Variants in TESK2 observed in about 807,000 individuals in gnomAD.
The protein encoded by TESK2 is testis associated actin remodelling kinase 2.
In TESK2, 39 loss-of-function variants were observed where a neutral mutation model predicts 57.1. The ratio of observed to expected loss-of-function variants is 0.68; its 90% CI spans 0.53 to 0.89. The LOEUF is 0.89. TESK2 is among the 40% of genes least tolerant of loss of function. The probability of loss-of-function intolerance (pLI) is 0.00; values close to 1 mark genes in which losing one functional copy is unlikely to be tolerated. For synonymous variants in TESK2, 249 were observed against 267.9 expected (o/e 0.93, Z 0.69); for missense variants, 646 against 732.1 (o/e 0.88, Z 1.36).
intron 3 of TESK2, among the ~76,000 whole-genome samples, chr1:45,397,491 A>G (rs910069442): frequency 5.3e-5 from 8 of 152,204 alleles, no homozygotes; most frequent in Non-Finnish European, 1.5e-5. Flanking sequence ...TAAAGTCCAA[A>G]TTCCTTACCA....
At chr1:45,384,593 ATTTTT>A (rs59988269) in intron 4 of TESK2, among the ~76,000 whole-genome samples, 11 of 70,884 alleles carry the variant, frequency 1.6e-4, no homozygotes, top group South Asian at 1.1e-3. Context: ...CTAATTATTA[ATTTTT>A]TTTTTTTTTT....
Position 45,355,437 on chromosome 1 carries a change from C to T in TESK2, c.406G>A (p.Gly136Arg), listed in dbSNP as rs747601244. The T allele has an allele frequency of 9.3e-6, 15 of 1,608,528 alleles. No individual in the cohort carries two copies. Among genetic ancestry groups the T allele is most frequent in the African/African-American group, 4.0e-5 (3 of 74,538 alleles). The change falls in exon 5 of 11, where the codon GGG (glycine) becomes AGG (arginine). Residue 136 changes from glycine (G) to arginine (R), a missense_variant. Coordinates refer to ENST00000372086, the MANE Select transcript of TESK2 (RefSeq NM_007170.3). Reference sequence around the variant, plus strand: ...CTGTCTAGCAACTGTTCCAGGTTCCCGGAGTTGATATACTGCAAAACAGAA... The same window carrying T: ...CTGTCTAGCAACTGTTCCAGGTTCCTGGAGTTGATATACTGCAAAACAGAA... ...LHALTEYINSGNLEQLLDSNL... is the reference protein window; with the variant it reads ...LHALTEYINSRNLEQLLDSNL...
At position 45,347,999 on chromosome 1, in the gene TESK2, T is replaced by C; in HGVS notation, c.542A>G (p.Asn181Ser). 3 of 1,608,170 alleles carry C rather than the reference T, an allele frequency of 1.9e-6. No individual in the cohort carries two copies. Among genetic ancestry groups the C allele is most frequent in the Non-Finnish European group, 1.7e-6 (2 of 1,174,582 alleles). Residue 181 changes from asparagine (N) to serine (S), a missense_variant and splice_region_variant, in exon 6 of 11, where the codon AAC becomes AGC. Transcript: ENST00000372086. The part of the protein sequence containing the change: ...GIFHRDLTSK[N>S]CLIKRDENGY... Reference sequence around the variant, plus strand: ...ATTCTCATCCCTCTTTATCAGGCAGTTCTAGGGTTCCCAGGAAGGAAGAGA... The same window carrying C: ...ATTCTCATCCCTCTTTATCAGGCAGCTCTAGGGTTCCCAGGAAGGAAGAGA...
intron 2 of TESK2, among the ~76,000 whole-genome samples, chr1:45,451,440 G>A (rs538572785): frequency 6.6e-6 from 1 of 152,166 alleles, no homozygotes; most frequent in Non-Finnish European, 1.5e-5. Context: ...GCAAAAGTGT[G>A]GCTGAGCCAT....
intron 4 of TESK2, among the ~76,000 whole-genome samples, chr1:45,381,951 C>A (rs2149273291): frequency 6.7e-6 from 1 of 149,696 alleles, no homozygotes; most frequent in East Asian, 2.0e-4. Context: ...GCATTCTCAA[C>A]CTTCAACCTC....
At chr1:45,386,647 A>C (rs1433981869) in intron 3 of TESK2, among the ~76,000 whole-genome samples, 1 of 151,714 alleles carries the variant, frequency 6.6e-6, no homozygotes, top group East Asian at 1.9e-4. Flanking sequence ...ACTGTACCCC[A>C]TATGTGGTTT....
rs1252070871 is a variant in TESK2, at chr1:45,347,131, G to A, written c.709-69C>T. 342 of 1,368,110 alleles carry A rather than the reference G, an allele frequency of 2.5e-4. 1 individual carries two copies. Among genetic ancestry groups the A allele is most frequent in the Non-Finnish European group, 3.4e-5 (33 of 964,170 alleles). 84.7% of individuals were successfully genotyped at this position (1,368,110 alleles called of 1,614,324 possible). A position where few individuals can be genotyped will look rare whatever the true frequency, so the allele number is the denominator to read the frequency against. ...GGGTAGGGTATCTGCCCCTGCCCCTGCCTCCCCTGCACCCCACCATCTAAC... is the reference window on the plus strand; with the variant it reads ...GGGTAGGGTATCTGCCCCTGCCCCTACCTCCCCTGCACCCCACCATCTAAC... On this transcript the variant is annotated intron_variant, in intron 7 of 10. Coordinates refer to ENST00000372086, the MANE Select transcript of TESK2 (RefSeq NM_007170.3).
intron 3 of TESK2, among the ~76,000 whole-genome samples, chr1:45,401,471 T>G (rs897879049): frequency 1.3e-5 from 2 of 152,114 alleles, no homozygotes; most frequent in African/African-American, 2.4e-5. Context: ...CTACTGTTCA[T>G]GGACCTCCTG....
intron 1 of TESK2, among the ~76,000 whole-genome samples, chr1:45,482,338 G>A (rs1010859941): frequency 1.3e-5 from 2 of 151,762 alleles, no homozygotes; most frequent in East Asian, 1.9e-4. Context: ...GACCAGCCAC[G>A]GTAACATAGT....
At chr1:45,382,393 C>T (rs1333240383) in intron 4 of TESK2, among the ~76,000 whole-genome samples, 1 of 152,094 alleles carries the variant, frequency 6.6e-6, no homozygotes, top group Non-Finnish European at 1.5e-5. Context: ...TGCATGCTAC[C>T]ACACCTGACT....
chr1:45,464,582 C>T (rs912737443), intron 1 of TESK2, among the ~76,000 whole-genome samples: 2 of 152,166 alleles, frequency 1.3e-5, no homozygotes, highest in East Asian at 1.9e-4. Context: ...CACAGAAATG[C>T]TACTGATTTT....
Position 45,345,573 on chromosome 1 carries a change from AG to A in TESK2, c.998-16del, listed in dbSNP as rs765507403. ...CTCCAAGAGTCCTGAAGAATAATCA[AG>A]TCTGGGTTACTCTCACTAGTCATAA... On this transcript the variant is annotated splice_polypyrimidine_tract_variant and intron_variant, in intron 10 of 10. Transcript: ENST00000372086. 1 of 1,603,198 alleles carries A rather than the reference AG, an allele frequency of 6.2e-7. No homozygotes were observed. Among genetic ancestry groups the A allele is most frequent in the Admixed American group, 1.7e-5 (1 of 59,644 alleles).
At chr1:45,429,816 GC>G (rs1158091612) in intron 2 of TESK2, among the ~76,000 whole-genome samples, 10 of 152,242 alleles carry the variant, frequency 6.6e-5, no homozygotes, top group South Asian at 2.1e-4. Flanking sequence ...AAAAGAAGTA[GC>G]CTGAAGTTAG....
chr1:45,409,259 T>C (rs139060664), intron 3 of TESK2, among the ~76,000 whole-genome samples: 7 of 152,354 alleles, frequency 4.6e-5, no homozygotes, highest in African/African-American at 1.7e-4. Flanking sequence ...TATCGATGTC[T>C]ATTTTAGACT....
chr1:45,452,032 C>CAAAAAAATAAAAAAAAAAAAAA (rs1651891612), intron 2 of TESK2, among the ~76,000 whole-genome samples: 1 of 103,872 alleles, frequency 9.6e-6, no homozygotes, highest in Non-Finnish European at 1.9e-5. Flanking sequence ...GACTCCGTCT[C>CAAAAAAATAAAAAAAAAAAAAA]AAAAAAAAAA....
chr1:45,373,141 T>TCAAAA (rs1227790755), intron 4 of TESK2, among the ~76,000 whole-genome samples: 2 of 152,046 alleles, frequency 1.3e-5, no homozygotes, highest in Non-Finnish European at 2.9e-5. Context: ...CTAAGATGAT[T>TCAAAA]CAAAACAACA....
chr1:45,433,739 T>C (rs954027862), intron 2 of TESK2, among the ~76,000 whole-genome samples: 1 of 152,206 alleles, frequency 6.6e-6, no homozygotes, highest in Non-Finnish European at 1.5e-5. Context: ...AGTGCTGCAA[T>C]AAACATGGAG....
intron 4 of TESK2, among the ~76,000 whole-genome samples, chr1:45,382,650 C>T (rs1343106625): frequency 6.6e-6 from 1 of 152,182 alleles, no homozygotes; most frequent in Non-Finnish European, 1.5e-5. Context: ...GCAGGCGGAT[C>T]ACCTGAGGTC....
intron 1 of TESK2, among the ~76,000 whole-genome samples, chr1:45,464,165 C>T (rs1362073715): frequency 2.0e-5 from 3 of 152,210 alleles, no homozygotes; most frequent in Middle Eastern, 3.4e-3. Context: ...AATTCATGAA[C>T]ATTAAATATC....
Sources: gnomAD v4.1 joint callset for allele counts (sites outside exome capture counted in the v4.1 genomes callset) on GRCh38, gnomAD v4.1.1 for gene constraint, MANE v1.5 for transcripts, NCBI Gene and HGNC (gene_info 2026-07-23, HGNC 2026-07-21) for gene names.